Variants in GBE1 observed in about 807,000 individuals in gnomAD.
GBE1 encodes 1,4-alpha-glucan-branching enzyme.
GBE1 carries 70 observed loss-of-function variants against 88.8 expected under a neutral mutation model. The observed-to-expected ratio is 0.79, with a 90% confidence interval of 0.65 to 0.96. GBE1 has a LOEUF of 0.96. Ranked by LOEUF, GBE1 falls within the 40% of genes least tolerant of loss-of-function variation. The probability of loss-of-function intolerance (pLI) is 0.00; values close to 1 mark genes in which losing one functional copy is unlikely to be tolerated. For synonymous variants in GBE1, 284 were observed against 300.1 expected, an observed-to-expected ratio of 0.95 and a Z score of 0.56; for missense variants, 872 against 871.0, an observed-to-expected ratio of 1.00 and a Z score of -0.01.
chr3:81,626,357 G>A (rs759275945), intron 7 of GBE1, among the ~76,000 whole-genome samples: 3 of 152,138 alleles, frequency 2.0e-5, no homozygotes, highest in Non-Finnish European at 2.9e-5. Context: ...CTTATGCAAT[G>A]AAATAGCTCC....
At chr3:81,580,410 T>G (rs1223289812) in intron 11 of GBE1, among the ~76,000 whole-genome samples, 1 of 152,096 alleles carries the variant, frequency 6.6e-6, no homozygotes, top group African/African-American at 2.4e-5. Flanking sequence ...AGGCTTTATA[T>G]AGAATGTGTC....
chr3:81,618,347 A>G (rs907517203), intron 7 of GBE1, among the ~76,000 whole-genome samples: 5 of 152,128 alleles, frequency 3.3e-5, no homozygotes, highest in East Asian at 3.9e-4. Flanking sequence ...TAATAATTCA[A>G]TGATCATTCT....
intron 9 of GBE1, among the ~76,000 whole-genome samples, chr3:81,588,723 C>T (rs1703833556): frequency 6.6e-6 from 1 of 152,258 alleles, no homozygotes; most frequent in South Asian, 2.1e-4. Context: ...TTCCTTACCC[C>T]TCTCTAGTTC....
chr3:81,514,279 TTTAA>T (rs771569084), intron 14 of GBE1, among the ~76,000 whole-genome samples: 5 of 151,632 alleles, frequency 3.3e-5, no homozygotes, highest in Admixed American at 2.6e-4. Context: ...AATTTTTCAT[TTTAA>T]TTAATGTTCT....
At chr3:81,658,207 C>A (rs1301391731) in intron 3 of GBE1, among the ~76,000 whole-genome samples, 1 of 151,882 alleles carries the variant, frequency 6.6e-6, no homozygotes, top group Non-Finnish European at 1.5e-5. Flanking sequence ...AAAATAAATA[C>A]TAACAAATCA....
chr3:81,622,001 C>G (rs993255332), intron 7 of GBE1, among the ~76,000 whole-genome samples: 1 of 152,174 alleles, frequency 6.6e-6, no homozygotes, highest in Non-Finnish European at 1.5e-5. Flanking sequence ...TCTAAGAACC[C>G]TATCAGCTAA....
intron 1 of GBE1, among the ~76,000 whole-genome samples, chr3:81,716,237 A>G (rs1705935234): frequency 6.6e-6 from 1 of 152,200 alleles, no homozygotes; most frequent in Non-Finnish European, 1.5e-5. Context: ...AAAATTGGCT[A>G]CTTTCAGTCT....
Position 81,658,107 on chromosome 3 carries a change from T to C in GBE1, c.430-8186A>G, listed in dbSNP as rs539782463. 3.1e-3 allele frequency among the ~76,000 whole-genome samples: 478 copies of C among 152,280 alleles called. 1 individual carries two copies. The highest frequency in any genetic ancestry group is 0.011 in the African/African-American group (440 of 41,590). On this transcript the variant is annotated intron_variant, in intron 3 of 15. Coordinates refer to ENST00000429644, the MANE Select transcript of GBE1 (RefSeq NM_000158.4). The stretch of plus-strand genomic sequence containing the variant: ...CTTATTTTAAAACATGCCATCATAA[T>C]GTATTTTTTTTCTTTAATAAAAAAC...
In GBE1 at chr3:81,703,397, C is replaced by G. The variant is rs1319090461; in HGVS notation, c.313+2047G>C. On this transcript the variant is annotated intron_variant, in intron 2 of 15. Transcript: ENST00000429644. ...TTTTCTAACAACTCTCGAGACACAT[C>G]TAATTTTTGGGACTACACCATGAAT... Among the ~76,000 whole-genome samples the G allele has an allele frequency of 2.0e-5, 3 of 151,872 alleles. No individual in the cohort carries two copies. In the East Asian group the frequency reaches 5.8e-4, roughly 29 times the overall value.
chr3:81,677,144 T>G (rs3772901), intron 2 of GBE1, among the ~76,000 whole-genome samples: 25,257 of 152,096 alleles, frequency 0.17, 2,223 homozygotes, highest in African/African-American at 0.2. Context: ...TTAATATAAA[T>G]TTTCCTTAAA....
intron 12 of GBE1, among the ~76,000 whole-genome samples, chr3:81,564,749 A>G (rs1265052152): frequency 6.6e-6 from 1 of 152,146 alleles, no homozygotes; most frequent in African/African-American, 2.4e-5. Context: ...CACCTGGGAA[A>G]GAGGGCTGAG....
intron 2 of GBE1, among the ~76,000 whole-genome samples, chr3:81,702,391 A>G (rs902922569): frequency 6.6e-6 from 1 of 152,042 alleles, no homozygotes; most frequent in African/African-American, 2.4e-5. Flanking sequence ...TCCCATTCAC[A>G]AAGAGACTTT....
At chr3:81,685,232 C>G (rs934030760) in intron 2 of GBE1, among the ~76,000 whole-genome samples, 2 of 152,158 alleles carry the variant, frequency 1.3e-5, no homozygotes, top group African/African-American at 4.8e-5. Flanking sequence ...AGAACTCCCT[C>G]AGCTTTCCAC....
chr3:81,537,126 C>T lies in GBE1; in HGVS notation c.1619-31G>A, dbSNP rs762114060. The T allele has an allele frequency of 5.5e-6, 7 of 1,277,114 alleles. No homozygotes were observed. In the South Asian group the frequency reaches 1.1e-4, roughly 20 times the overall value. 79.1% of individuals were successfully genotyped at this position (1,277,114 alleles called of 1,614,324 possible). The stretch of plus-strand genomic sequence containing the variant: ...TTACAAAACACATGCAAATATCAGC[C>T]TATTAATATTAGAATTTCTTACTAA... On this transcript the variant is annotated intron_variant, in intron 12 of 15. Transcript: ENST00000429644.
chr3:81,626,375 A>G (rs1704416925), intron 7 of GBE1, among the ~76,000 whole-genome samples: 1 of 152,234 alleles, frequency 6.6e-6, no homozygotes, highest in South Asian at 2.1e-4. Flanking sequence ...TCCTAAAGGT[A>G]AAATCAAAAG....
At position 81,490,324 on chromosome 3, in the gene GBE1, C is replaced by T; in HGVS notation, c.*83G>A. ...GGCTAGACAACTGTATTCTGAAAAG[C>T]ATACATGTTATAAGCTGTGTGACAG... On this transcript the variant is annotated 3_prime_UTR_variant, in exon 16 of 16. Coordinates refer to ENST00000429644, the MANE Select transcript of GBE1 (RefSeq NM_000158.4). 1 of 1,125,924 alleles carries T rather than the reference C, an allele frequency of 8.9e-7. No homozygotes were observed. Among genetic ancestry groups the T allele is most frequent in the African/African-American group, 1.5e-5 (1 of 65,262 alleles). 69.7% of individuals were successfully genotyped at this position (1,125,924 alleles called of 1,614,324 possible). A position where few individuals can be genotyped will look rare whatever the true frequency, so the allele number is the denominator to read the frequency against.
At chr3:81,657,210 G>A (rs1456641766) in intron 3 of GBE1, among the ~76,000 whole-genome samples, 2 of 150,288 alleles carry the variant, frequency 1.3e-5, no homozygotes, top group South Asian at 2.1e-4. Context: ...TTCTTCCCAC[G>A]TAAGTATTTT....
chr3:81,578,197 G>A (rs536755827), intron 11 of GBE1, 101 bp from the exon 12 acceptor site: 50 of 802,606 alleles, frequency 6.2e-5, no homozygotes, highest in Non-Finnish European at 7.6e-5. Flanking sequence ...AGGAAACATC[G>A]TAGAAGAGGT....
intron 1 of GBE1, among the ~76,000 whole-genome samples, chr3:81,730,318 T>G (rs1379605591): frequency 6.6e-6 from 1 of 152,144 alleles, no homozygotes. Context: ...TGCTTCAAAC[T>G]AGCAGCAAAT....
Sources: allele counts gnomAD v4.1 joint callset (sites outside exome capture counted in the v4.1 genomes callset), GRCh38; gene constraint gnomAD v4.1.1; transcripts MANE v1.5; gene names NCBI Gene and HGNC (gene_info 2026-07-23, HGNC 2026-07-21).